The following CALN1 variants were observed in gnomAD, a reference collection of about 807,000 sequenced individuals.
CALN1 encodes calcium-binding protein 8.
CALN1 carries 17 observed loss-of-function variants against 30.6 expected under a neutral mutation model. The observed-to-expected ratio is 0.56, with a 90% CI of 0.38 to 0.83. The LOEUF (loss-of-function observed/expected upper bound fraction) is 0.83, where lower values mean the gene tolerates loss of function less well. CALN1 is among the 40% of genes least tolerant of loss of function. The probability of loss-of-function intolerance (pLI) is 0.00; values close to 1 mark genes in which losing one functional copy is unlikely to be tolerated. For synonymous variants in CALN1, 156 were observed against 131.4 expected (o/e 1.19, Z -1.28); for missense variants, 291 against 354.9 (o/e 0.82, Z 1.45).
intron 3 of CALN1, among the ~76,000 whole-genome samples, chr7:72,208,611 C>T (rs920186152): frequency 6.6e-6 from 1 of 152,096 alleles, no homozygotes; most frequent in African/African-American, 2.4e-5. Flanking sequence ...TGGCAGAATG[C>T]CTGGAGACTT....
At chr7:72,489,157 C>T in the CALN1 span, among the ~76,000 whole-genome samples, 27 of 152,236 alleles carry the variant, frequency 1.8e-4, 1 homozygote, top group African/African-American at 5.8e-4. Flanking sequence ...CTTTTCCCTC[C>T]AATACTCCTC....
At chr7:72,205,270 T>A (rs1401945266) in intron 3 of CALN1, among the ~76,000 whole-genome samples, 1 of 151,872 alleles carries the variant, frequency 6.6e-6, no homozygotes, top group African/African-American at 2.4e-5. Context: ...TAGTGTGATC[T>A]CAGCTCACCG....
At chr7:71,904,255 T>A (rs555530261) in intron 5 of CALN1, among the ~76,000 whole-genome samples, 2 of 152,330 alleles carry the variant, frequency 1.3e-5, no homozygotes, top group Admixed American at 6.5e-5. Flanking sequence ...ACTCCCTTGT[T>A]TGTTACAGCA....
At chr7:71,837,131 C>T (rs1302798222) in intron 5 of CALN1, among the ~76,000 whole-genome samples, 1 of 149,070 alleles carries the variant, frequency 6.7e-6, no homozygotes, top group Non-Finnish European at 1.5e-5. Flanking sequence ...ATTCAGGAGG[C>T]TGAGGCACGA....
intron 1 of CALN1, among the ~76,000 whole-genome samples, chr7:72,407,549 T>C (rs1806787669): frequency 1.3e-5 from 2 of 152,226 alleles, no homozygotes; most frequent in African/African-American, 4.8e-5. Flanking sequence ...CCTCCTGCTC[T>C]GGCCATGTGA....
chr7:72,490,970 C>T, the CALN1 span, among the ~76,000 whole-genome samples: 21 of 152,252 alleles, frequency 1.4e-4, no homozygotes, highest in African/African-American at 3.4e-4. Context: ...CAAGGCCGGG[C>T]GCGGTGGCTC....
At chr7:72,349,254 AAAAGAG>A in intron 2 of CALN1, among the ~76,000 whole-genome samples, 1 of 151,404 alleles carries the variant, frequency 6.6e-6, no homozygotes, top group South Asian at 2.1e-4. Flanking sequence ...AAGCGAGAGA[AAAAGAG>A]AGAGACTGTA....
intron 5 of CALN1, among the ~76,000 whole-genome samples, chr7:71,891,575 T>C (rs1011130159): frequency 2.6e-5 from 4 of 152,236 alleles, no homozygotes; most frequent in Non-Finnish European, 5.9e-5. Flanking sequence ...GGGAGGATAA[T>C]GACAGTGCCT....
intron 5 of CALN1, among the ~76,000 whole-genome samples, chr7:71,984,749 A>G (rs937461397): frequency 2.0e-5 from 3 of 152,218 alleles, no homozygotes; most frequent in African/African-American, 7.2e-5. Context: ...GAGTAAATGC[A>G]CCTGACAGCA....
At chr7:72,303,290 G>A (rs146932272) in intron 2 of CALN1, among the ~76,000 whole-genome samples, 142 of 152,262 alleles carry the variant, frequency 9.3e-4, no homozygotes, top group Middle Eastern at 3.4e-3. Flanking sequence ...ACAGGAAGAA[G>A]TGAACTTCCA....
chr7:72,223,466 G>A (rs984338948), intron 3 of CALN1, among the ~76,000 whole-genome samples: 2 of 152,084 alleles, frequency 1.3e-5, no homozygotes, highest in Non-Finnish European at 2.9e-5. Context: ...GGTAAAAAAG[G>A]AACCAAGTGG....
At chr7:71,989,957 G>C (rs769978894) in intron 5 of CALN1, among the ~76,000 whole-genome samples, 25 of 152,172 alleles carry the variant, frequency 1.6e-4, no homozygotes, top group Non-Finnish European at 2.9e-4. Flanking sequence ...TACGTTGTAG[G>C]TTGTGTAGGC....
intron 5 of CALN1, among the ~76,000 whole-genome samples, chr7:71,975,520 G>A (rs921969884): frequency 1.3e-5 from 2 of 151,984 alleles, no homozygotes; most frequent in Non-Finnish European, 1.5e-5. Context: ...TCCAACTCCT[G>A]GGCTCAGGAA....
chr7:72,121,521 A>G (rs1462110703), intron 3 of CALN1, among the ~76,000 whole-genome samples: 2 of 148,224 alleles, frequency 1.3e-5, no homozygotes, highest in African/African-American at 2.5e-5. Flanking sequence ...ATCAACACGG[A>G]CATGAGTCCC....
intron 2 of CALN1, among the ~76,000 whole-genome samples, chr7:72,287,389 T>C (rs1013145393): frequency 6.6e-6 from 1 of 151,990 alleles, no homozygotes; most frequent in African/African-American, 2.4e-5. Context: ...TCACTCTATA[T>C]TGGATTTCTG....
At chr7:72,327,825 C>T (rs977514693) in intron 2 of CALN1, among the ~76,000 whole-genome samples, 1 of 152,172 alleles carries the variant, frequency 6.6e-6, no homozygotes, top group African/African-American at 2.4e-5. Flanking sequence ...AGGTTCAGTT[C>T]TTCCTAGTTA....
At chr7:72,088,033 T>C (rs1323539190) in intron 4 of CALN1, among the ~76,000 whole-genome samples, 6 of 152,090 alleles carry the variant, frequency 3.9e-5, no homozygotes, top group African/African-American at 1.2e-4. Flanking sequence ...CCAGGTGTGG[T>C]TGCACGCGTC....
rs146002918 is a variant in CALN1 at position 72,169,190 on chromosome 7, G to C, written c.245-62896C>G. 6.1e-4 allele frequency among the ~76,000 whole-genome samples: 92 copies of C among 151,976 alleles called. No homozygotes were observed. The East Asian group carries it at 0.014, about 22-fold the overall frequency. The stretch of plus-strand genomic sequence containing the variant: ...TAAGTAAGTATTGAATGAAGGACCA[G>C]AACTCTCACTGCACCACATAAAAAG... On this transcript the variant is annotated intron_variant, in intron 3 of 6. Transcript: ENST00000395275.
At chr7:71,999,979 C>G (rs1300082815) in intron 5 of CALN1, among the ~76,000 whole-genome samples, 3 of 152,060 alleles carry the variant, frequency 2.0e-5, no homozygotes, top group African/African-American at 4.8e-5. Context: ...AGGAAAACCT[C>G]TAAATACCTG....
Sources: allele counts gnomAD v4.1 joint callset (sites outside exome capture counted in the v4.1 genomes callset), GRCh38; gene constraint gnomAD v4.1.1; transcripts MANE v1.5; gene names NCBI Gene and HGNC (gene_info 2026-07-23, HGNC 2026-07-21).